Variants in SPAG16 observed in about 807,000 individuals in gnomAD.
SPAG16 encodes sperm-associated antigen 16 protein.
SPAG16 carries 86 observed loss-of-function variants against 80.4 expected under a neutral mutation model. The ratio of observed to expected loss-of-function variants is 1.07; its 90% CI spans 0.90 to 1.28. The LOEUF (loss-of-function observed/expected upper bound fraction) is 1.28, where lower values mean the gene tolerates loss of function less well. SPAG16 is among the 50% of genes most tolerant of loss of function. SPAG16 has a pLI of 0.00. For missense variants in SPAG16, 870 were observed against 765.3 expected (o/e 1.14, Z -1.61); for synonymous variants, 294 against 265.9 (o/e 1.11, Z -1.03).
chr2:213,875,306 A>G (rs1375432428), intron 11 of SPAG16, among the ~76,000 whole-genome samples: 1 of 152,110 alleles, frequency 6.6e-6, no homozygotes, highest in Non-Finnish European at 1.5e-5. Flanking sequence ...AAATCTGTGA[A>G]GTAAGCAGAA....
At chr2:213,931,922 G>T (rs1327924591) in intron 12 of SPAG16, among the ~76,000 whole-genome samples, 1 of 151,582 alleles carries the variant, frequency 6.6e-6, no homozygotes, top group Non-Finnish European at 1.5e-5. Flanking sequence ...TTCTATAGTG[G>T]CTATTGATAT....
intron 9 of SPAG16, among the ~76,000 whole-genome samples, chr2:213,424,450 C>T (rs544815711): frequency 6.6e-6 from 1 of 152,238 alleles, no homozygotes; most frequent in Admixed American, 6.5e-5. Context: ...CTTTTCTTAG[C>T]AGAGTCATAT....
At chr2:213,738,468 A>G (rs2067394143) in intron 10 of SPAG16, among the ~76,000 whole-genome samples, 1 of 152,212 alleles carries the variant, frequency 6.6e-6, no homozygotes, top group South Asian at 2.1e-4. Flanking sequence ...ATATGAAACT[A>G]ATTTATTTCA....
intron 15 of SPAG16, among the ~76,000 whole-genome samples, chr2:214,154,391 A>G (rs111600979): frequency 6.6e-6 from 1 of 152,270 alleles, no homozygotes; most frequent in African/African-American, 2.4e-5. Flanking sequence ...TCAGATCATT[A>G]AAATGAGCAA....
chr2:214,326,944 C>CAAAAAAAA (rs5838428), intron 15 of SPAG16, among the ~76,000 whole-genome samples: 2 of 64,464 alleles, frequency 3.1e-5, no homozygotes, highest in Non-Finnish European at 5.3e-5. Context: ...GACTAAGTCT[C>CAAAAAAAA]AAAAAAAAAA....
intron 15 of SPAG16, among the ~76,000 whole-genome samples, chr2:214,271,702 A>G (rs1374591325): frequency 6.6e-6 from 1 of 152,152 alleles, no homozygotes; most frequent in Non-Finnish European, 1.5e-5. Context: ...CGGAAGGCTG[A>G]GGCAGGAGAA....
At chr2:213,837,633 T>C (rs987244260) in intron 10 of SPAG16, among the ~76,000 whole-genome samples, 1 of 152,232 alleles carries the variant, frequency 6.6e-6, no homozygotes, top group East Asian at 1.9e-4. Context: ...AATATTGTAT[T>C]AGGCAGAATA....
At position 213,793,329 on chromosome 2, in the gene SPAG16, A is replaced by G. The variant is rs146715271; in HGVS notation, c.1071-69156A>G. On this transcript the variant is annotated intron_variant, in intron 10 of 15. Transcript: ENST00000331683. ...AACAGTACCCCAAACATACAAAGCAACAAAACATGCAAACCTTTATCCTGT... is the reference window on the plus strand; with the variant it reads ...AACAGTACCCCAAACATACAAAGCAGCAAAACATGCAAACCTTTATCCTGT... Among the ~76,000 whole-genome samples the G allele has an allele frequency of 1.6e-3, 251 of 152,184 alleles. 1 individual carries two copies. Among genetic ancestry groups the G allele is most frequent in the African/African-American group, 5.9e-3 (245 of 41,500 alleles).
intron 14 of SPAG16, among the ~76,000 whole-genome samples, chr2:214,142,803 G>A (rs6725801): frequency 0.022 from 3,330 of 152,172 alleles, 104 homozygotes; most frequent in African/African-American, 0.076. Flanking sequence ...CATTTTGTCA[G>A]GAAATCTTAC....
chr2:213,965,872 A>G (rs181095046), intron 12 of SPAG16, among the ~76,000 whole-genome samples: 410 of 152,202 alleles, frequency 2.7e-3, no homozygotes, highest in African/African-American at 9.4e-3. Flanking sequence ...TAACATAGCT[A>G]CTCTATGAGT....
At chr2:213,558,660 G>C (rs1185483474) in intron 10 of SPAG16, among the ~76,000 whole-genome samples, 2 of 151,998 alleles carry the variant, frequency 1.3e-5, no homozygotes, top group Non-Finnish European at 1.5e-5. Flanking sequence ...ATACAAGATA[G>C]TTCTGTCATA....
At chr2:213,447,586 G>A (rs1313074850) in intron 9 of SPAG16, among the ~76,000 whole-genome samples, 1 of 152,208 alleles carries the variant, frequency 6.6e-6, no homozygotes, top group Non-Finnish European at 1.5e-5. Context: ...CCCTCGGATT[G>A]CTTCTTTATG....
In SPAG16 at chr2:214,042,548, C is replaced by T. The variant is rs192315927; in HGVS notation, c.1527+28471C>T. ...AACAAAATTTCTTTATTTGTTTTCC[C>T]CCTATCTCATCATAGGAAAAATATT... On this transcript the variant is annotated intron_variant, in intron 13 of 15. Transcript: ENST00000331683. Among the ~76,000 whole-genome samples, 207 of 152,138 alleles carry T rather than the reference C, an allele frequency of 1.4e-3. No homozygotes were observed. The Middle Eastern group carries it at 0.065, about 47-fold the overall frequency.
intron 15 of SPAG16, among the ~76,000 whole-genome samples, chr2:214,255,775 A>C (rs969878307): frequency 1.3e-5 from 2 of 151,962 alleles, no homozygotes; most frequent in African/African-American, 2.4e-5. Flanking sequence ...AGATTTCTTC[A>C]TATGTGTTAA....
chr2:213,556,135 T>C (rs1014561954), intron 10 of SPAG16, among the ~76,000 whole-genome samples: 2 of 150,692 alleles, frequency 1.3e-5, no homozygotes, highest in Admixed American at 6.6e-5. Context: ...AATCACCAAA[T>C]CAGTAAAGAA....
intron 5 of SPAG16, among the ~76,000 whole-genome samples, chr2:213,327,706 T>C (rs1326785925): frequency 6.6e-6 from 1 of 152,156 alleles, no homozygotes; most frequent in Non-Finnish European, 1.5e-5. Context: ...AAATTCATTT[T>C]TTAAAAGATA....
intron 15 of SPAG16, among the ~76,000 whole-genome samples, chr2:214,173,168 T>C (rs1358475603): frequency 6.6e-6 from 1 of 152,164 alleles, no homozygotes; most frequent in African/African-American, 2.4e-5. Flanking sequence ...ATGAAGTCCT[T>C]GCCCATGCCT....
intron 12 of SPAG16, among the ~76,000 whole-genome samples, chr2:213,945,319 GTGTT>G (rs2079399749): frequency 7.2e-6 from 1 of 139,214 alleles, no homozygotes; most frequent in Non-Finnish European, 1.6e-5. Flanking sequence ...ATATATGTGT[GTGTT>G]TGTGTATATA....
chr2:214,137,166 T>G (rs1271216233), intron 14 of SPAG16, among the ~76,000 whole-genome samples: 1 of 152,172 alleles, frequency 6.6e-6, no homozygotes, highest in African/African-American at 2.4e-5. Context: ...ACAAATAAAA[T>G]TAATGTGCAT....
Sources: gnomAD v4.1 joint callset for allele counts (sites outside exome capture counted in the v4.1 genomes callset) on GRCh38, gnomAD v4.1.1 for gene constraint, MANE v1.5 for transcripts, NCBI Gene and HGNC (gene_info 2026-07-23, HGNC 2026-07-21) for gene names.